The following AMOT variants were observed in gnomAD, a reference collection of about 807,000 sequenced individuals.
The protein encoded by AMOT is angiomotin.
AMOT carries 11 observed loss-of-function variants against 67.0 expected under a neutral mutation model. The ratio of observed to expected loss-of-function variants is 0.16; its 90% confidence interval spans 0.10 to 0.27. The LOEUF is 0.27. AMOT is among the 10% of genes least tolerant of loss of function. AMOT has a pLI of 1.00. For missense variants in AMOT, 753 were observed against 852.0 expected, an observed-to-expected ratio of 0.88 and a Z score of 1.45; for synonymous variants, 326 against 321.4, an observed-to-expected ratio of 1.01 and a Z score of -0.15.
Position 112,790,720 on chromosome X carries a change from G to A in AMOT, c.1989C>T (p.Leu663=), listed in dbSNP as rs1228131066. 8.3e-7 allele frequency: 1 copy of A among 1,210,511 alleles called. No individual in the cohort carries two copies. The highest frequency in any genetic ancestry group is 2.2e-5 in the Admixed American group (1 of 45,920). ...SEYNAAALME[L]LREKEERILA... is the part of the protein sequence containing the mutation. ...GAATCCTCTCCTCTTTCTCCCGAAG[G>A]AGCTCCATCAGTGCAGCAGCATTGT... The change falls in exon 10 of 14, where the codon CTC becomes CTT. Residue 663 remains leucine, a synonymous_variant. Coordinates refer to ENST00000371959, the MANE Select transcript of AMOT (RefSeq NM_001113490.2).
At chrX:112,816,011 A>T (rs1934547511) in intron 4 of AMOT, 134 bp from the exon 5 acceptor site, 2 of 941,524 alleles carry the variant, frequency 2.1e-6, no homozygotes, top group Non-Finnish European at 2.8e-6. Context: ...GCAGGGTCTG[A>T]CTATGGGGAA....
At chrX:112,787,595 T>C (rs759215121) in intron 10 of AMOT, among the ~76,000 whole-genome samples, 2 of 111,930 alleles carry the variant, frequency 1.8e-5, no homozygotes, top group South Asian at 3.8e-4. Flanking sequence ...GGTTACACTA[T>C]TGTATACAAT....
chrX:112,837,611 T>C (rs1352180489), intron 1 of AMOT, among the ~76,000 whole-genome samples: 3 of 109,861 alleles, frequency 2.7e-5, no homozygotes, highest in Non-Finnish European at 5.7e-5. Context: ...TGGAGGAGAG[T>C]AATGCAGTAT....
chrX:112,791,788 T>C, intron 9 of AMOT, 44 bp downstream of exon 9: 2 of 1,193,473 alleles, frequency 1.7e-6, no homozygotes. Flanking sequence ...AATAATGTCA[T>C]TTTCTTACTT....
chrX:112,789,903 G>A (rs1187014172), intron 10 of AMOT, among the ~76,000 whole-genome samples: 1 of 107,544 alleles, frequency 9.3e-6, no homozygotes. Context: ...TGATGATTTT[G>A]AGCAGCAGCA....
chrX:112,806,370 T>A (rs755781498), intron 7 of AMOT, among the ~76,000 whole-genome samples: 1,080 of 103,558 alleles, frequency 0.01, 11 homozygotes, highest in African/African-American at 0.037. Context: ...TGTGTGTATA[T>A]ATATATATAT....
chrX:112,814,799 A>AC (rs1191669857), intron 5 of AMOT, among the ~76,000 whole-genome samples: 2 of 111,832 alleles, frequency 1.8e-5, no homozygotes, highest in Non-Finnish European at 3.8e-5. Context: ...GCAGGGAGGG[A>AC]CCAAATCAAA....
chrX:112,814,796 G>A (rs1934490024), intron 5 of AMOT, among the ~76,000 whole-genome samples: 1 of 111,913 alleles, frequency 8.9e-6, no homozygotes, highest in Non-Finnish European at 1.9e-5. Flanking sequence ...GCTGCAGGGA[G>A]GGACCAAATC....
rs34787381 is a variant in AMOT, at chrX:112,783,691, ATGTG to A, written c.2118-1033_2118-1030del. On this transcript the variant is annotated intron_variant, in intron 10 of 13. Transcript: ENST00000371959. ...CAAAGACCAATTAATAAGGAAAAACATGTGTGTGTGTGTGTGTGTGTGTGTGTGT... is the reference window on the plus strand; with the variant it reads ...CAAAGACCAATTAATAAGGAAAAACATGTGTGTGTGTGTGTGTGTGTGTGT... Among the ~76,000 whole-genome samples, 13 of 100,625 alleles carry A rather than the reference ATGTG, an allele frequency of 1.3e-4. No individual in the cohort carries two copies. The South Asian group carries it at 1.4e-3, about 11-fold the overall frequency. 87.4% of individuals were successfully genotyped at this position (100,625 alleles called of 115,157 possible). A position where few individuals can be genotyped will look rare whatever the true frequency, so the allele number is the denominator to read the frequency against.
At chrX:112,806,228 C>G (rs1291898759) in intron 7 of AMOT, among the ~76,000 whole-genome samples, 1 of 108,256 alleles carries the variant, frequency 9.2e-6, no homozygotes, top group East Asian at 2.9e-4. Context: ...GATAGCACCA[C>G]TGCACTCCAG....
At chrX:112,831,982 T>C (rs1935001741) in intron 2 of AMOT, among the ~76,000 whole-genome samples, 1 of 111,495 alleles carries the variant, frequency 9.0e-6, no homozygotes, top group African/African-American at 3.3e-5. Flanking sequence ...CCAGCTGTAG[T>C]GTGGAGAGAA....
intron 1 of AMOT, among the ~76,000 whole-genome samples, chrX:112,833,274 C>T (rs1169516783): frequency 2.7e-5 from 3 of 110,834 alleles, no homozygotes; most frequent in Non-Finnish European, 3.8e-5. Context: ...TACTCACCCC[C>T]CTAAAAAAAG....
intron 10 of AMOT, among the ~76,000 whole-genome samples, chrX:112,787,844 G>A (rs1933420656): frequency 9.0e-6 from 1 of 111,625 alleles, no homozygotes; most frequent in Admixed American, 9.5e-5. Flanking sequence ...CAGATTTAGG[G>A]ATATAATTTA....
At chrX:112,793,534 T>C (rs2147789432) in intron 8 of AMOT, among the ~76,000 whole-genome samples, 1 of 112,022 alleles carries the variant, frequency 8.9e-6, no homozygotes, top group Non-Finnish European at 1.9e-5. Flanking sequence ...CTTTGTCTTA[T>C]AATGGCCCCC....
Position 112,822,752 on chromosome X carries a change from G to A in AMOT, c.375C>T (p.Ala125=). Residue 125 remains alanine (A), a synonymous_variant, in exon 4 of 14, where the codon GCC becomes GCT. Transcript: ENST00000371959. ...TGACATAGAAGGCAGCTCCAACACT[G>A]GCATGCTGTTGGCCCCGAAAGTACT... is the stretch of plus-strand genomic sequence containing the variant. ...QSQYFRGQQH[A]SVGAAFYVTG... The A allele has an allele frequency of 1.7e-6, 2 of 1,167,116 alleles. No homozygotes were observed. Among genetic ancestry groups the A allele is most frequent in the Admixed American group, 2.6e-5 (1 of 38,702 alleles).
intron 2 of AMOT, among the ~76,000 whole-genome samples, chrX:112,828,686 G>C (rs1203118312): frequency 1.8e-5 from 2 of 111,458 alleles, no homozygotes; most frequent in Non-Finnish European, 3.8e-5. Flanking sequence ...TATAGATGAA[G>C]ATGCCAGGGC....
At chrX:112,819,727 G>C (rs912759489) in intron 4 of AMOT, among the ~76,000 whole-genome samples, 2 of 112,259 alleles carry the variant, frequency 1.8e-5, no homozygotes, top group Non-Finnish European at 3.8e-5. Context: ...GCATAAGAAA[G>C]ATGAAGTAAT....
intron 8 of AMOT, among the ~76,000 whole-genome samples, chrX:112,792,644 C>T (rs770789797): frequency 1.8e-5 from 2 of 112,069 alleles, no homozygotes; most frequent in Admixed American, 1.9e-4. Context: ...TTAGTCTCCA[C>T]ATCGCCTAGC....
At chrX:112,801,211 G>T (rs1934005086) in intron 8 of AMOT, among the ~76,000 whole-genome samples, 1 of 111,499 alleles carries the variant, frequency 9.0e-6, no homozygotes, top group Non-Finnish European at 1.9e-5. Context: ...CTCCAGCGAG[G>T]TCAAATTGGT....
Sources: gnomAD v4.1 joint callset for allele counts (sites outside exome capture counted in the v4.1 genomes callset) on GRCh38, gnomAD v4.1.1 for gene constraint, MANE v1.5 for transcripts, NCBI Gene and HGNC (gene_info 2026-07-23, HGNC 2026-07-21) for gene names.